Variants in PUS10 observed in about 807,000 individuals in gnomAD.
The protein encoded by PUS10 is tRNA pseudouridine synthase Pus10.
PUS10 carries 59 observed loss-of-function variants against 75.0 expected under a neutral mutation model. The ratio of observed to expected loss-of-function variants is 0.79; its 90% CI spans 0.64 to 0.98. The LOEUF is 0.98. Ranked by LOEUF, PUS10 falls within the 50% of genes least tolerant of loss-of-function variation. The pLI, the probability that PUS10 is intolerant of heterozygous loss-of-function variation, is 0.00. For synonymous variants in PUS10, 219 were observed against 211.6 expected, an observed-to-expected ratio of 1.03 and a Z score of -0.30; for missense variants, 650 against 614.4, an observed-to-expected ratio of 1.06 and a Z score of -0.61.
chr2:60,944,863 C>A, intron 17 of PUS10, 146 bp downstream of exon 17: 1 of 588,098 alleles, frequency 1.7e-6, no homozygotes, highest in East Asian at 2.7e-5. Flanking sequence ...AAGACAGTCC[C>A]TCCCTTCAAT....
chr2:60,946,242 G>T (rs1202046922), intron 16 of PUS10, among the ~76,000 whole-genome samples: 1 of 152,250 alleles, frequency 6.6e-6, no homozygotes, highest in Non-Finnish European at 1.5e-5. Flanking sequence ...TAACCAGAGG[G>T]ACAAGGTTTA....
intron 4 of PUS10, among the ~76,000 whole-genome samples, chr2:60,998,497 T>A (rs1228187701): frequency 6.6e-6 from 1 of 152,098 alleles, no homozygotes; most frequent in Non-Finnish European, 1.5e-5. Context: ...AAGACCAGCC[T>A]GGCCAACATG....
intron 4 of PUS10, among the ~76,000 whole-genome samples, chr2:60,984,454 A>G (rs1357825709): frequency 6.6e-6 from 1 of 152,256 alleles, no homozygotes; most frequent in African/African-American, 2.4e-5. Context: ...ATGGGGTTGT[A>G]ATACACTGCT....
intron 4 of PUS10, among the ~76,000 whole-genome samples, chr2:60,983,521 A>C (rs1573461671): frequency 6.6e-6 from 1 of 152,232 alleles, no homozygotes; most frequent in East Asian, 1.9e-4. Flanking sequence ...CTACTAAAAA[A>C]TACAAAAAAA....
At chr2:60,976,572 G>A (rs112418608) in intron 4 of PUS10, among the ~76,000 whole-genome samples, 11 of 152,242 alleles carry the variant, frequency 7.2e-5, no homozygotes, top group Admixed American at 7.2e-4. Flanking sequence ...AGGTAACCAT[G>A]TGTAACACAT....
chr2:60,973,950 C>G (rs1433993214), intron 4 of PUS10, among the ~76,000 whole-genome samples: 1 of 152,186 alleles, frequency 6.6e-6, no homozygotes, highest in Non-Finnish European at 1.5e-5. Context: ...CTGCTGAGAG[C>G]TGAAGAAACG....
intron 4 of PUS10, among the ~76,000 whole-genome samples, chr2:60,991,885 G>A (rs1678106723): frequency 6.6e-6 from 1 of 152,082 alleles, no homozygotes; most frequent in Non-Finnish European, 1.5e-5. Context: ...CAGACCATAT[G>A]ACCTCCAATT....
intron 11 of PUS10, among the ~76,000 whole-genome samples, chr2:60,955,809 G>A (rs1221222072): frequency 2.6e-5 from 4 of 152,144 alleles, no homozygotes. Flanking sequence ...GCAGAGTCCT[G>A]TTTGGAAGAA....
At position 60,954,073 on chromosome 2, in the gene PUS10, G is replaced by C. The variant is rs762314730; in HGVS notation, c.1134+9C>G. On this transcript the variant is annotated intron_variant, in intron 13 of 17. Coordinates refer to ENST00000316752, the MANE Select transcript of PUS10 (RefSeq NM_144709.4). ...AACATGACGATTTCCATGGCATGAA[G>C]TGGTTTACCTGCTGAAGTTCCTTAA... 6 of 1,613,612 alleles carry C rather than the reference G, an allele frequency of 3.7e-6. No homozygotes were observed. The highest frequency in any genetic ancestry group is 5.1e-6 in the Non-Finnish European group (6 of 1,179,456).
At chr2:60,987,534 T>C (rs1013718684) in intron 4 of PUS10, among the ~76,000 whole-genome samples, 3 of 152,102 alleles carry the variant, frequency 2.0e-5, no homozygotes, top group African/African-American at 7.2e-5. Flanking sequence ...TGACAAAGCT[T>C]TGGTGTGTGG....
chr2:61,011,822 T>A lies in PUS10; in HGVS notation c.69A>T (p.Arg23Ser), dbSNP rs367978097. 2.5e-6 allele frequency: 4 copies of A among 1,611,204 alleles called. No individual in the cohort carries two copies. The highest frequency in any genetic ancestry group is 3.4e-6 in the Non-Finnish European group (4 of 1,178,396). The change falls in exon 2 of 18, where the codon AGA (arginine) becomes AGT (serine). Residue 23 changes from arginine to serine, a missense_variant. Arg to Ser is a moderately radical substitution (Grantham distance 110). Coordinates refer to ENST00000316752, the MANE Select transcript of PUS10 (RefSeq NM_144709.4). Reference protein sequence around the residue: ...QLLLNTGTCPRCIFRFCGVDF... With the variant: ...QLLLNTGTCPSCIFRFCGVDF... ...CCACACCACAGAATCTGAAGATACA[T>A]CTTGGACAAGTACCAGTATTGAGCA...
chr2:60,980,381 G>C (rs541722082), intron 4 of PUS10, among the ~76,000 whole-genome samples: 79 of 152,288 alleles, frequency 5.2e-4, no homozygotes, highest in African/African-American at 1.7e-3. Context: ...CCCATTCTAA[G>C]GATACCTCTG....
In PUS10 at chr2:60,954,139, C is replaced by T. The variant is rs1354633794; in HGVS notation, c.1077G>A (p.Glu359=). 5.0e-6 allele frequency: 8 copies of T among 1,614,132 alleles called. No homozygotes were observed. The highest frequency in any genetic ancestry group is 6.8e-6 in the Non-Finnish European group (8 of 1,179,980). ...AATGTACTCTATGAGGATTCACCAGCTCAATTGCAAAGGGCCTTCCTGGCA... is the reference window on the plus strand; with the variant it reads ...AATGTACTCTATGAGGATTCACCAGTTCAATTGCAAAGGGCCTTCCTGGCA... ...TLGNGRPFAI[E]LVNPHRVHFT... The change falls in exon 13 of 18, where the codon GAG becomes GAA. Residue 359 remains glutamate, a synonymous_variant. Transcript: ENST00000316752.
At position 60,959,645 on chromosome 2, in the gene PUS10, A is replaced by T. The variant is rs140177457; in HGVS notation, c.1000+747T>A. On this transcript the variant is annotated intron_variant, in intron 11 of 17. Coordinates refer to ENST00000316752, the MANE Select transcript of PUS10 (RefSeq NM_144709.4). ...TGCAAGTGATTCGCCCGCCTCAGCC[A>T]CCCAGAGTGCTGGGATTGCAGGTGC... 6.7e-3 allele frequency among the ~76,000 whole-genome samples: 1,012 copies of T among 152,030 alleles called. 9 individuals are homozygous for T. Among genetic ancestry groups the T allele is most frequent in the African/African-American group, 0.023 (958 of 41,498 alleles).
At chr2:61,015,859 C>T (rs543420047) in intron 1 of PUS10, among the ~76,000 whole-genome samples, 6 of 152,288 alleles carry the variant, frequency 3.9e-5, no homozygotes, top group Non-Finnish European at 7.3e-5. Context: ...TCTCTGACTA[C>T]ATACACAGAG....
intron 15 of PUS10, among the ~76,000 whole-genome samples, chr2:60,952,132 G>A (rs1472278108): frequency 2.0e-5 from 3 of 152,076 alleles, no homozygotes; most frequent in African/African-American, 7.2e-5. Flanking sequence ...TCAGGAGTTT[G>A]AGACCAGCCA....
chr2:60,988,289 T>C (rs1399526695), intron 4 of PUS10, among the ~76,000 whole-genome samples: 1 of 152,144 alleles, frequency 6.6e-6, no homozygotes, highest in African/African-American at 2.4e-5. Flanking sequence ...CACTGTTAGG[T>C]GTAAATTCTA....
chr2:61,011,012 C>A (rs1218974673), intron 2 of PUS10: 2 of 1,263,384 alleles, frequency 1.6e-6, no homozygotes, highest in South Asian at 1.5e-5. Context: ...ATAATAGAAA[C>A]AACTAATAAC....
intron 1 of PUS10, among the ~76,000 whole-genome samples, chr2:61,014,905 C>G (rs555518828): frequency 2.0e-5 from 3 of 152,284 alleles, no homozygotes; most frequent in African/African-American, 7.2e-5. Flanking sequence ...TACCAAGATT[C>G]TTGCACAAAA....
Sources: allele counts gnomAD v4.1 joint callset (sites outside exome capture counted in the v4.1 genomes callset), GRCh38; gene constraint gnomAD v4.1.1; transcripts MANE v1.5; gene names NCBI Gene and HGNC (gene_info 2026-07-23, HGNC 2026-07-21).